COX6B1: variants seen among roughly 807,000 people sequenced by gnomAD.
COX6B1 encodes cytochrome c oxidase subunit 6B1, also known as COX VIb-1.
COX6B1 carries 2 observed loss-of-function variants against 14.0 expected under a neutral mutation model. The observed-to-expected ratio is 0.14, with a 90% CI of 0.06 to 0.45. The LOEUF (loss-of-function observed/expected upper bound fraction) is 0.45, where lower values mean the gene tolerates loss of function less well. Ranked by LOEUF, COX6B1 falls within the 20% of genes least tolerant of loss-of-function variation. The pLI is 0.98. For missense variants in COX6B1, 81 were observed against 114.2 expected (o/e 0.71, Z 1.33); for synonymous variants, 30 against 39.7 (o/e 0.76, Z 0.92).
intron 3 of COX6B1, among the ~76,000 whole-genome samples, chr19:35,656,911 C>T (rs997734701): frequency 6.6e-6 from 1 of 152,100 alleles, no homozygotes; most frequent in Non-Finnish European, 1.5e-5. Flanking sequence ...TGCCCAAAGT[C>T]ACACAGCTAG....
At chr19:35,658,224 C>G (rs150439053) in intron 3 of COX6B1, among the ~76,000 whole-genome samples, 1 of 152,112 alleles carries the variant, frequency 6.6e-6, no homozygotes, top group East Asian at 1.9e-4. Context: ...AAATCAGCCT[C>G]GTTTTTTTTC....
chr19:35,655,240 G>A, intron 3 of COX6B1, among the ~76,000 whole-genome samples: 1 of 152,088 alleles, frequency 6.6e-6, no homozygotes, highest in East Asian at 1.9e-4. Context: ...ATGTTAGCCA[G>A]GATAGTCTCA....
intron 3 of COX6B1, among the ~76,000 whole-genome samples, chr19:35,657,500 G>A (rs1381345661): frequency 3.3e-5 from 5 of 151,984 alleles, no homozygotes; most frequent in Non-Finnish European, 7.4e-5. Context: ...GCACTGGTTG[G>A]GGCTCGGGGA....
In COX6B1 at chr19:35,651,324, T is replaced by C. The variant is rs1476446936; in HGVS notation, c.81T>C (p.Thr27=). ...GCCGCTTCCCCAACCAGAACCAGAC[T>C]AGAAACTGCTGGCAGAACTACCTGG... The part of the protein sequence containing the change: ...FDSRFPNQNQ[T]RNCWQNYLDF... The change falls in exon 2 of 4, where the codon ACT becomes ACC. Residue 27 remains threonine (T), a synonymous_variant. Coordinates refer to ENST00000649813, the MANE Select transcript of COX6B1 (RefSeq NM_001863.5). 4 of 1,613,914 alleles carry C rather than the reference T, an allele frequency of 2.5e-6. No individual in the cohort carries two copies. In the South Asian group the frequency reaches 4.4e-5, roughly 18 times the overall value.
intron 2 of COX6B1, among the ~76,000 whole-genome samples, chr19:35,651,855 G>A (rs1205034824): frequency 2.0e-5 from 3 of 152,008 alleles, no homozygotes; most frequent in East Asian, 3.9e-4. Context: ...GTGAGCCACC[G>A]TGCCTGGCCC....
rs529052374 is a variant in COX6B1, at chr19:35,658,293, G to A, written c.208-301G>A. Among the ~76,000 whole-genome samples, 62 of 152,182 alleles carry A rather than the reference G, an allele frequency of 4.1e-4. 1 individual carries two copies. Among genetic ancestry groups the A allele is most frequent in the African/African-American group, 1.4e-3 (60 of 41,522 alleles). ...ACAAACAGCATAGTGTTGACTTGAG[G>A]TTTTCAAAGCAGGGCCCACCCTTGG... On this transcript the variant is annotated intron_variant, in intron 3 of 3. Transcript: ENST00000649813.
intron 3 of COX6B1, among the ~76,000 whole-genome samples, chr19:35,655,767 C>T (rs1599623067): frequency 6.6e-6 from 1 of 150,740 alleles, no homozygotes; most frequent in East Asian, 2.0e-4. Flanking sequence ...CTCTCTCTCT[C>T]TCTCTCTCTC....
chr19:35,652,500 C>T (rs1349643004), intron 2 of COX6B1, among the ~76,000 whole-genome samples: 6 of 151,664 alleles, frequency 4.0e-5, no homozygotes, highest in Admixed American at 2.0e-4. Flanking sequence ...GTCACGATCT[C>T]GGCTCACTGC....
intron 1 of COX6B1, chr19:35,649,026 T>C (rs1163026118): frequency 2.1e-6 from 1 of 479,902 alleles, no homozygotes; most frequent in East Asian, 6.4e-5. Context: ...TCGCTTGAAT[T>C]TGACACTGCT....
intron 1 of COX6B1, among the ~76,000 whole-genome samples, chr19:35,650,326 C>A (rs985404565): frequency 3.3e-5 from 5 of 152,214 alleles, no homozygotes; most frequent in African/African-American, 9.6e-5. Flanking sequence ...TTAATGAATC[C>A]TCAGCTGGAT....
intron 1 of COX6B1, among the ~76,000 whole-genome samples, chr19:35,649,956 A>G (rs531716062): frequency 1.9e-4 from 29 of 152,194 alleles, no homozygotes; most frequent in Admixed American, 1.8e-3. Flanking sequence ...ACATTATAAC[A>G]GCAAATGTCA....
intron 3 of COX6B1, among the ~76,000 whole-genome samples, chr19:35,657,004 C>A (rs202084935): frequency 1.3e-5 from 2 of 152,244 alleles, no homozygotes; most frequent in East Asian, 3.9e-4. Flanking sequence ...CAGTGGTCCT[C>A]ACCCTTTTTG....
At chr19:35,655,324 G>A (rs962386093) in intron 3 of COX6B1, among the ~76,000 whole-genome samples, 6 of 152,110 alleles carry the variant, frequency 3.9e-5, no homozygotes, top group South Asian at 2.1e-4. Context: ...CACCGTGCCC[G>A]GCCCTATTAT....
chr19:35,651,139 T>C (rs2146369882), intron 1 of COX6B1, 94 bp from the exon 2 acceptor site: 1 of 787,828 alleles, frequency 1.3e-6, no homozygotes, highest in South Asian at 1.4e-5. Context: ...CCCAGCCCAT[T>C]GTTCCGTGCC....
chr19:35,658,110 G>T (rs535978843), intron 3 of COX6B1, among the ~76,000 whole-genome samples: 1 of 152,252 alleles, frequency 6.6e-6, no homozygotes, highest in South Asian at 2.1e-4. Context: ...TGTTTATACT[G>T]AGCATCGCCT....
intron 3 of COX6B1, among the ~76,000 whole-genome samples, chr19:35,655,026 CT>C (rs559837297): frequency 0.019 from 2,210 of 118,590 alleles, 47 homozygotes; most frequent in African/African-American, 0.059. Flanking sequence ...TTTTTTTTTT[CT>C]TTTTTTTTTT....
intron 3 of COX6B1, among the ~76,000 whole-genome samples, chr19:35,656,218 A>G (rs1260348952): frequency 6.6e-6 from 1 of 152,240 alleles, no homozygotes; most frequent in Non-Finnish European, 1.5e-5. Context: ...AAAGATGCCC[A>G]TTGCAGAGTT....
Position 35,654,499 on chromosome 19 carries a change from C to G in COX6B1, c.107-72C>G, listed in dbSNP as rs531193923. On this transcript the variant is annotated intron_variant, in intron 2 of 3. Coordinates refer to ENST00000649813, the MANE Select transcript of COX6B1 (RefSeq NM_001863.5). ...CTCCAGCCTGAGTGACAGATTGAGA[C>G]CCTACCTCAAAAAAAAAAAAAAATG... 19 of 1,284,850 alleles carry G rather than the reference C, an allele frequency of 1.5e-5. No homozygotes were observed. In the South Asian group the frequency reaches 1.5e-4, roughly 10 times the overall value. The allele number at this position is 1,284,850 out of a possible 1,614,324, so 79.6% of individuals were successfully genotyped here. A position where few individuals can be genotyped will look rare whatever the true frequency, so the allele number is the denominator to read the frequency against.
chr19:35,654,754 C>G lies in COX6B1; in HGVS notation c.207+83C>G, dbSNP rs148854058. The G allele has an allele frequency of 1.4e-3, 1,741 of 1,218,192 alleles. 26 individuals carry two copies. The East Asian group carries it at 0.02, about 14-fold the overall frequency. The allele number at this position is 1,218,192 out of a possible 1,614,324, so 75.5% of individuals were successfully genotyped here. ...GTGTGGTGGCTTGGTGGGAGCTCAT[C>G]TGTGAGGGGCAGAGGGAGGACAGGG... On this transcript the variant is annotated intron_variant, in intron 3 of 3. Coordinates refer to ENST00000649813, the MANE Select transcript of COX6B1 (RefSeq NM_001863.5).
Sources: gnomAD v4.1 joint callset for allele counts (sites outside exome capture counted in the v4.1 genomes callset) on GRCh38, gnomAD v4.1.1 for gene constraint, MANE v1.5 for transcripts, NCBI Gene and HGNC (gene_info 2026-07-23, HGNC 2026-07-21) for gene names.